Variants in ACAD10 observed in about 807,000 individuals in gnomAD.
ACAD10 encodes acyl-CoA dehydrogenase family member 10, also known as ACAD-10.
ACAD10 carries 112 observed loss-of-function variants against 116.8 expected under a neutral mutation model. The ratio of observed to expected loss-of-function variants is 0.96; its 90% CI spans 0.82 to 1.12. The LOEUF (loss-of-function observed/expected upper bound fraction) is 1.12, where lower values mean the gene tolerates loss of function less well. Among genes scored for constraint, ACAD10 ranks in the 50% most tolerant of loss-of-function variants. The probability of loss-of-function intolerance (pLI) is 0.00; values close to 1 mark genes in which losing one functional copy is unlikely to be tolerated. For synonymous variants in ACAD10, 486 were observed against 510.6 expected (o/e 0.95, Z 0.65); for missense variants, 1,259 against 1,350.2 (o/e 0.93, Z 1.06).
intron 18 of ACAD10, among the ~76,000 whole-genome samples, chr12:111,751,655 C>A (rs1431696367): frequency 6.6e-6 from 1 of 151,662 alleles, no homozygotes; most frequent in Non-Finnish European, 1.5e-5. Flanking sequence ...CACTTGAATC[C>A]AGGAGGCGGA....
chr12:111,753,308 ACCTTGCTCC>A, intron 18 of ACAD10: 1 of 358,900 alleles, frequency 2.8e-6, no homozygotes, highest in South Asian at 2.1e-5. Context: ...GGCTGAGGGG[ACCTTGCTCC>A]CATTGGAGCT....
At chr12:111,698,443 T>C (rs1206484589) in intron 2 of ACAD10, among the ~76,000 whole-genome samples, 6 of 150,704 alleles carry the variant, frequency 4.0e-5, no homozygotes, top group African/African-American at 1.5e-4. Flanking sequence ...ATTCAGTTTT[T>C]CCGTGAATTG....
At chr12:111,753,372 C>T (rs1214962063) in intron 18 of ACAD10, 5 of 405,020 alleles carry the variant, frequency 1.2e-5, no homozygotes, top group African/African-American at 8.1e-5. Context: ...GCACCCTTCG[C>T]CTGCGCCGTG....
intron 2 of ACAD10, among the ~76,000 whole-genome samples, chr12:111,693,510 C>A (rs1375773358): frequency 6.6e-6 from 1 of 152,122 alleles, no homozygotes; most frequent in Non-Finnish European, 1.5e-5. Flanking sequence ...TGCACTCCAG[C>A]CTGGGTAACA....
At chr12:111,697,964 T>C (rs1888237359) in intron 2 of ACAD10, among the ~76,000 whole-genome samples, 1 of 141,652 alleles carries the variant, frequency 7.1e-6, no homozygotes, top group African/African-American at 2.6e-5. Context: ...TGAGTCGGAG[T>C]CTCACATTTG....
At chr12:111,748,946 T>G in intron 17 of ACAD10, 1 of 1,471,868 alleles carries the variant, frequency 6.8e-7, no homozygotes. Flanking sequence ...TATGTTTTTA[T>G]AAAAGGAATC....
intron 7 of ACAD10, among the ~76,000 whole-genome samples, chr12:111,719,363 C>T (rs574205501): frequency 1.4e-4 from 22 of 152,250 alleles, no homozygotes; most frequent in Non-Finnish European, 2.1e-4. Context: ...AAGCAATTCT[C>T]CTGCCTCAGC....
intron 8 of ACAD10, among the ~76,000 whole-genome samples, chr12:111,722,691 C>G (rs970995460): frequency 3.9e-5 from 6 of 152,144 alleles, no homozygotes; most frequent in Non-Finnish European, 5.9e-5. Flanking sequence ...TCAGAGAGCA[C>G]AGGGTTGGGG....
In ACAD10 at chr12:111,744,984, CAG is replaced by C. The variant is rs752678901; in HGVS notation, c.2059_2060del (p.His688ProfsTer23). 7 of 1,614,116 alleles carry C rather than the reference CAG, an allele frequency of 4.3e-6. No homozygotes were observed. The highest frequency in any genetic ancestry group is 1.1e-5 in the South Asian group (1 of 91,086). On this transcript the variant is annotated frameshift_variant, in exon 13 of 21. Transcript: ENST00000313698. LOFTEE classifies it high-confidence loss of function. ...TGTGTACCCTGCAGAGCCAGAGCTG[CAG>C]AGTCACCAGGCCTCAGCAGCCAGGT... is the stretch of plus-strand genomic sequence containing the variant. ...QRVYPAEPELQSHQASAARWS... is the reference protein window; with the variant it reads ...QRVYPAEPELXSHQASAARWS...
intron 3 of ACAD10, 77 bp from the exon 4 acceptor site, chr12:111,705,661 A>AT (rs941083791): frequency 0.021 from 23,724 of 1,154,766 alleles, no homozygotes; most frequent in Non-Finnish European, 0.024. Flanking sequence ...AGGAATAAGC[A>AT]TTTTTTTTTT....
intron 18 of ACAD10, among the ~76,000 whole-genome samples, chr12:111,751,730 C>CA (rs113918206): frequency 0.016 from 2,321 of 141,748 alleles, 71 homozygotes; most frequent in African/African-American, 0.056. Context: ...GACTCCATCT[C>CA]AAAAAAAAAA....
chr12:111,718,256 C>G (rs569637520), intron 7 of ACAD10, among the ~76,000 whole-genome samples: 7 of 152,016 alleles, frequency 4.6e-5, no homozygotes, highest in African/African-American at 1.7e-4. Context: ...CCCATGTTGA[C>G]CAGGCTGGTC....
intron 2 of ACAD10, 113 bp downstream of exon 2, chr12:111,693,009 T>C: frequency 8.0e-7 from 1 of 1,249,790 alleles, no homozygotes; most frequent in South Asian, 1.4e-5. Flanking sequence ...CAGCAGGCCA[T>C]GCTCTGGCTC....
chr12:111,737,525 T>TA (rs1293098956), intron 12 of ACAD10, among the ~76,000 whole-genome samples: 1 of 152,156 alleles, frequency 6.6e-6, no homozygotes, highest in Non-Finnish European at 1.5e-5. Flanking sequence ...ATTATTAAAG[T>TA]AATGCACAAA....
At chr12:111,699,446 AT>A (rs1162859695) in intron 2 of ACAD10, among the ~76,000 whole-genome samples, 1 of 151,860 alleles carries the variant, frequency 6.6e-6, no homozygotes, top group African/African-American at 2.4e-5. Context: ...TTTCTTGTTT[AT>A]TTTTGAAAAA....
chr12:111,752,417 A>G (rs934335840), intron 18 of ACAD10, among the ~76,000 whole-genome samples: 9 of 151,662 alleles, frequency 5.9e-5, no homozygotes, highest in Admixed American at 3.9e-4. Context: ...CAGTCAGGCC[A>G]AAATTATGAA....
intron 15 of ACAD10, 45 bp from the exon 16 acceptor site, chr12:111,747,250 G>A (rs1461627727): frequency 4.3e-6 from 7 of 1,613,224 alleles, no homozygotes; most frequent in Middle Eastern, 3.3e-4. Flanking sequence ...CAGGGAACAC[G>A]GGCTGTCTGC....
rs751451380 is a variant in ACAD10 at position 111,728,066 on chromosome 12, C to T, written c.1166C>T (p.Thr389Ile). 7 of 1,614,058 alleles carry T rather than the reference C, an allele frequency of 4.3e-6. No individual in the cohort carries two copies. Among genetic ancestry groups the T allele is most frequent in the Non-Finnish European group, 5.9e-6 (7 of 1,180,026 alleles). ...CCCAGCCACAGACGAGCCATATACA[C>T]TGCCATGAACACAGTCCTGTGCAAA... ...LEPSHRRAIY[T>I]AMNTVLCKIH... The change falls in exon 9 of 21, where the codon ACT becomes ATT. Residue 389 changes from threonine to isoleucine, a missense_variant. Physicochemically the swap from Thr to Ile is moderately conservative, Grantham distance 89. Transcript: ENST00000313698.
chr12:111,722,399 A>AT (rs1046417085), intron 8 of ACAD10, among the ~76,000 whole-genome samples: 2 of 150,422 alleles, frequency 1.3e-5, no homozygotes, highest in Admixed American at 6.6e-5. Context: ...TTATTTATTT[A>AT]TTTTTTATTG....
Sources: allele counts gnomAD v4.1 joint callset (sites outside exome capture counted in the v4.1 genomes callset), GRCh38; gene constraint gnomAD v4.1.1; transcripts MANE v1.5; gene names NCBI Gene and HGNC (gene_info 2026-07-23, HGNC 2026-07-21).